MMP16: variants seen among roughly 807,000 people sequenced by gnomAD.
MMP16 encodes the protein matrix metallopeptidase 16.
Under a neutral mutation model 67.8 loss-of-function variants are expected in MMP16, and 12 were observed. The ratio of observed to expected loss-of-function variants is 0.18; its 90% confidence interval spans 0.11 to 0.29. The LOEUF (loss-of-function observed/expected upper bound fraction) is 0.29, where lower values mean the gene tolerates loss of function less well. Among genes scored for constraint, MMP16 ranks in the 10% least tolerant of loss-of-function variants. The probability of loss-of-function intolerance (pLI) is 1.00; values close to 1 mark genes in which losing one functional copy is unlikely to be tolerated. For missense variants in MMP16, 475 were observed against 765.7 expected, an observed-to-expected ratio of 0.62 and a Z score of 4.48; for synonymous variants, 249 against 255.9, an observed-to-expected ratio of 0.97 and a Z score of 0.26.
At chr8:88,230,388 A>G (rs762934207) in intron 1 of MMP16, among the ~76,000 whole-genome samples, 4 of 152,194 alleles carry the variant, frequency 2.6e-5, no homozygotes, top group Non-Finnish European at 5.9e-5. Context: ...AGCAGGCTAC[A>G]TAAAAGATCT....
At chr8:88,106,443 T>C (rs1037787399) in intron 6 of MMP16, among the ~76,000 whole-genome samples, 1 of 151,358 alleles carries the variant, frequency 6.6e-6, no homozygotes, top group African/African-American at 2.4e-5. Context: ...TCCAGTTTTC[T>C]GTCAACAAAT....
chr8:88,225,563 C>A (rs1809756064), intron 1 of MMP16, among the ~76,000 whole-genome samples: 3 of 151,434 alleles, frequency 2.0e-5, no homozygotes, highest in East Asian at 1.9e-4. Flanking sequence ...AAAATTAATC[C>A]CACCTATTCA....
At chr8:88,257,179 T>G (rs928053088) in intron 1 of MMP16, among the ~76,000 whole-genome samples, 2 of 152,184 alleles carry the variant, frequency 1.3e-5, no homozygotes, top group African/African-American at 4.8e-5. Flanking sequence ...CAAGTCGGGT[T>G]TATATTTAAC....
At chr8:88,067,181 G>A (rs548489123) in intron 7 of MMP16, among the ~76,000 whole-genome samples, 3 of 152,140 alleles carry the variant, frequency 2.0e-5, no homozygotes, top group South Asian at 2.1e-4. Flanking sequence ...AAACTTTAAC[G>A]TAGAGGGGAA....
At chr8:88,082,670 T>C (rs1768953484) in intron 6 of MMP16, among the ~76,000 whole-genome samples, 3 of 152,074 alleles carry the variant, frequency 2.0e-5, no homozygotes, top group South Asian at 4.1e-4. Flanking sequence ...ACTAAACAGA[T>C]AGCACAGAAA....
chr8:88,123,416 T>G (rs1214332630), intron 4 of MMP16, among the ~76,000 whole-genome samples: 1 of 151,732 alleles, frequency 6.6e-6, no homozygotes, highest in Non-Finnish European at 1.5e-5. Context: ...CTGTGTTTTT[T>G]CAAATCTGAA....
intron 2 of MMP16, among the ~76,000 whole-genome samples, chr8:88,189,166 A>G (rs917043489): frequency 6.6e-6 from 1 of 152,168 alleles, no homozygotes; most frequent in African/African-American, 2.4e-5. Flanking sequence ...AAAAGAAAGT[A>G]TGGATTAGAA....
chr8:88,254,777 G>A (rs2129933445), intron 1 of MMP16, among the ~76,000 whole-genome samples: 1 of 152,232 alleles, frequency 6.6e-6, no homozygotes, highest in South Asian at 2.1e-4. Context: ...TTGTATCCTG[G>A]ATGGGATCCT....
intron 3 of MMP16, among the ~76,000 whole-genome samples, chr8:88,180,056 C>T (rs909027636): frequency 2.6e-5 from 4 of 151,988 alleles, no homozygotes; most frequent in South Asian, 2.1e-4. Flanking sequence ...CCGAGGCAGG[C>T]GGATCACCTG....
At chr8:88,289,077 G>C (rs77911870) in intron 1 of MMP16, among the ~76,000 whole-genome samples, 73 of 152,196 alleles carry the variant, frequency 4.8e-4, no homozygotes, top group African/African-American at 1.6e-3. Context: ...AGATAATGGG[G>C]AGAACATTTG....
intron 1 of MMP16, among the ~76,000 whole-genome samples, chr8:88,272,718 T>G (rs1290941833): frequency 6.6e-6 from 1 of 152,198 alleles, no homozygotes; most frequent in Non-Finnish European, 1.5e-5. Context: ...TTGAAAAGGT[T>G]GGCAGGAGAG....
chr8:88,237,503 C>A (rs1809960658), intron 1 of MMP16, among the ~76,000 whole-genome samples: 1 of 152,002 alleles, frequency 6.6e-6, no homozygotes, highest in African/African-American at 2.4e-5. Context: ...AAAAAATTAG[C>A]CGGGCGTAGT....
chr8:88,281,350 G>C (rs1473776827), intron 1 of MMP16, among the ~76,000 whole-genome samples: 1 of 152,154 alleles, frequency 6.6e-6, no homozygotes, highest in Non-Finnish European at 1.5e-5. Context: ...GGTTAAGAGA[G>C]AGCTCCCAAG....
intron 1 of MMP16, among the ~76,000 whole-genome samples, chr8:88,308,983 A>C (rs1327858637): frequency 6.6e-6 from 1 of 152,006 alleles, no homozygotes; most frequent in Non-Finnish European, 1.5e-5. Context: ...CACTTGCAAA[A>C]AAAAATAATA....
At chr8:88,262,117 A>G (rs1810397050) in intron 1 of MMP16, among the ~76,000 whole-genome samples, 1 of 152,192 alleles carries the variant, frequency 6.6e-6, no homozygotes, top group African/African-American at 2.4e-5. Context: ...ACCTTAGTCA[A>G]TAATCCAAGC....
chr8:88,149,192 C>G (rs973571757), intron 4 of MMP16, among the ~76,000 whole-genome samples: 1 of 152,252 alleles, frequency 6.6e-6, no homozygotes, highest in African/African-American at 2.4e-5. Context: ...ATATCCCACA[C>G]CTGGCTCGGA....
At chr8:88,134,624 T>C (rs1013032618) in intron 4 of MMP16, among the ~76,000 whole-genome samples, 16 of 151,620 alleles carry the variant, frequency 1.1e-4, no homozygotes, top group Admixed American at 1.3e-4. Flanking sequence ...TATATATTTT[T>C]CTAACTTTCC....
intron 1 of MMP16, among the ~76,000 whole-genome samples, chr8:88,217,911 A>C (rs1472250644): frequency 1.3e-5 from 2 of 152,038 alleles, no homozygotes; most frequent in African/African-American, 4.8e-5. Flanking sequence ...GTCTGTGTGA[A>C]CTTGTTTCTC....
chr8:88,313,071 T>C (rs1206086736), intron 1 of MMP16, among the ~76,000 whole-genome samples: 1 of 152,258 alleles, frequency 6.6e-6, no homozygotes, highest in Non-Finnish European at 1.5e-5. Flanking sequence ...CTTTGTTCAC[T>C]CAGCCTAATT....
Sources: gnomAD v4.1 joint callset for allele counts (sites outside exome capture counted in the v4.1 genomes callset) on GRCh38, gnomAD v4.1.1 for gene constraint, MANE v1.5 for transcripts, NCBI Gene and HGNC (gene_info 2026-07-23, HGNC 2026-07-21) for gene names.